Variants in DGKI observed in about 807,000 individuals in gnomAD.
DGKI encodes DAG kinase iota.
In DGKI, 55 loss-of-function variants were observed where a neutral mutation model predicts 147.5. The ratio of observed to expected loss-of-function variants is 0.37; its 90% CI spans 0.30 to 0.47. DGKI has a LOEUF of 0.47. Among genes scored for constraint, DGKI ranks in the 20% least tolerant of loss-of-function variants. The pLI is 1.00. For synonymous variants in DGKI, 469 were observed against 477.1 expected, an observed-to-expected ratio of 0.98 and a Z score of 0.22; for missense variants, 1,007 against 1,323.8, an observed-to-expected ratio of 0.76 and a Z score of 3.71.
At chr7:137,434,267 G>A (rs892958167) in intron 28 of DGKI, among the ~76,000 whole-genome samples, 17 of 152,018 alleles carry the variant, frequency 1.1e-4, no homozygotes, top group African/African-American at 4.1e-4. Context: ...ATGCAATGCT[G>A]TAGGTAAATT....
At chr7:137,594,774 C>CA (rs373794485) in intron 12 of DGKI, among the ~76,000 whole-genome samples, 113 of 151,994 alleles carry the variant, frequency 7.4e-4, no homozygotes, top group African/African-American at 2.6e-3. Flanking sequence ...ACTAACAAAA[C>CA]AAAAAAAATC....
intron 28 of DGKI, among the ~76,000 whole-genome samples, chr7:137,436,417 T>C (rs1813288497): frequency 6.6e-6 from 1 of 152,116 alleles, no homozygotes; most frequent in Non-Finnish European, 1.5e-5. Context: ...CATGATTTCC[T>C]ATTACACCAG....
chr7:137,407,606 TA>T (rs201518587), intron 30 of DGKI, among the ~76,000 whole-genome samples: 268 of 147,146 alleles, frequency 1.8e-3, no homozygotes, highest in South Asian at 6.3e-3. Context: ...GTCCTCTATT[TA>T]AAAAAAAAAA....
chr7:137,685,276 A>C (rs1426827897), intron 2 of DGKI, among the ~76,000 whole-genome samples: 1 of 152,202 alleles, frequency 6.6e-6, no homozygotes, highest in Non-Finnish European at 1.5e-5. Flanking sequence ...AAACAAAATA[A>C]AATCAAGGGT....
intron 20 of DGKI, among the ~76,000 whole-genome samples, chr7:137,536,020 A>G (rs1817507407): frequency 6.6e-6 from 1 of 152,188 alleles, no homozygotes; most frequent in Non-Finnish European, 1.5e-5. Flanking sequence ...GACACCAAAG[A>G]TTCACACATT....
At chr7:137,661,733 A>G (rs1416832723) in intron 3 of DGKI, among the ~76,000 whole-genome samples, 1 of 152,142 alleles carries the variant, frequency 6.6e-6, no homozygotes, top group Non-Finnish European at 1.5e-5. Flanking sequence ...TAGACCACAA[A>G]GCCCGGTCCA....
intron 21 of DGKI, among the ~76,000 whole-genome samples, chr7:137,513,098 C>T (rs1333310613): frequency 2.0e-5 from 3 of 152,170 alleles, no homozygotes; most frequent in Non-Finnish European, 2.9e-5. Flanking sequence ...TTTTCCAGAA[C>T]ACTGATACTA....
chr7:137,477,532 G>A (rs1325349791), intron 23 of DGKI, among the ~76,000 whole-genome samples: 2 of 152,160 alleles, frequency 1.3e-5, no homozygotes, highest in Admixed American at 1.3e-4. Context: ...AATTTTTAAA[G>A]ACTGAATTAG....
chr7:137,410,974 G>C (rs574127790), intron 29 of DGKI, among the ~76,000 whole-genome samples: 6 of 152,330 alleles, frequency 3.9e-5, no homozygotes, highest in Non-Finnish European at 7.3e-5. Context: ...GTGCCTAAAG[G>C]GGGCAGTTGA....
intron 13 of DGKI, among the ~76,000 whole-genome samples, chr7:137,586,880 C>A (rs556369861): frequency 6.6e-6 from 1 of 152,322 alleles, no homozygotes; most frequent in African/African-American, 2.4e-5. Context: ...CACTATATTT[C>A]TCTCATACCA....
At chr7:137,678,105 C>T (rs1052217725) in intron 3 of DGKI, among the ~76,000 whole-genome samples, 14 of 152,192 alleles carry the variant, frequency 9.2e-5, no homozygotes, top group Non-Finnish European at 1.5e-4. Context: ...TGTTAGCCTA[C>T]ACCCATTCCC....
At chr7:137,402,192 C>T (rs1270848176) in intron 30 of DGKI, among the ~76,000 whole-genome samples, 6 of 152,072 alleles carry the variant, frequency 3.9e-5, no homozygotes, top group South Asian at 2.1e-4. Context: ...GTGCCTGGGA[C>T]GGAATTAAAA....
At chr7:137,632,101 G>A (rs541911451) in intron 6 of DGKI, among the ~76,000 whole-genome samples, 2 of 152,294 alleles carry the variant, frequency 1.3e-5, no homozygotes, top group Admixed American at 6.5e-5. Flanking sequence ...CTGTAAGATT[G>A]AAGTTGCAAG....
At chr7:137,446,458 T>A (rs1813718954) in intron 27 of DGKI, among the ~76,000 whole-genome samples, 2 of 152,142 alleles carry the variant, frequency 1.3e-5, no homozygotes, top group African/African-American at 4.8e-5. Context: ...ATGCACATCA[T>A]CCATTATTGC....
At chr7:137,693,701 C>T (rs867405402) in intron 1 of DGKI, among the ~76,000 whole-genome samples, 2 of 152,124 alleles carry the variant, frequency 1.3e-5, no homozygotes, top group South Asian at 2.1e-4. Flanking sequence ...TGAACTTGAC[C>T]AAGAAGCTAA....
chr7:137,461,904 C>G lies in DGKI; in HGVS notation c.2735+1585G>C, dbSNP rs113969485. Among the ~76,000 whole-genome samples, 114 of 152,156 alleles carry G rather than the reference C, an allele frequency of 7.5e-4. 1 individual carries two copies. The highest frequency in any genetic ancestry group is 2.0e-3 in the African/African-American group (81 of 41,524). ...TTAACGCAAACAGACAGAAAGAGTT[C>G]ATTTTGACATCTGGTTTTAAGAACC... On this transcript the variant is annotated intron_variant, in intron 27 of 32. Transcript: ENST00000614521.
intron 19 of DGKI, among the ~76,000 whole-genome samples, chr7:137,563,867 C>G (rs1818496931): frequency 6.6e-6 from 1 of 152,040 alleles, no homozygotes; most frequent in South Asian, 2.1e-4. Context: ...AATTCCTCCC[C>G]AAATTATCTA....
At chr7:137,470,091 A>T (rs1480282639) in intron 23 of DGKI, among the ~76,000 whole-genome samples, 1 of 152,198 alleles carries the variant, frequency 6.6e-6, no homozygotes, top group African/African-American at 2.4e-5. Flanking sequence ...GTTCATCTAC[A>T]TGGAAACAAA....
Position 137,746,728 on chromosome 7 carries a change from G to T in DGKI, c.402-56726C>A, listed in dbSNP as rs183861764. ...CTCTGAAGTTTAGGTGTAGATCTGAGGTTGTGAGTCCAAACCCACCTGGTA... is the reference window on the plus strand; with the variant it reads ...CTCTGAAGTTTAGGTGTAGATCTGATGTTGTGAGTCCAAACCCACCTGGTA... On this transcript the variant is annotated intron_variant, in intron 1 of 32. Transcript: ENST00000614521. Among the ~76,000 whole-genome samples the T allele has an allele frequency of 1.5e-3, 223 of 151,712 alleles. 1 individual carries two copies. Among genetic ancestry groups the T allele is most frequent in the Non-Finnish European group, 2.4e-3 (160 of 67,868 alleles).
Sources: allele counts gnomAD v4.1 joint callset (sites outside exome capture counted in the v4.1 genomes callset), GRCh38; gene constraint gnomAD v4.1.1; transcripts MANE v1.5; gene names NCBI Gene and HGNC (gene_info 2026-07-23, HGNC 2026-07-21).